TRIP10: variants seen among roughly 807,000 people sequenced by gnomAD.
The protein encoded by TRIP10 is cdc42-interacting protein 4.
Under a neutral mutation model 80.9 loss-of-function variants are expected in TRIP10, and 54 were observed. The observed-to-expected ratio is 0.67, with a 90% confidence interval of 0.54 to 0.84. TRIP10 has a LOEUF of 0.84. Among genes scored for constraint, TRIP10 ranks in the 40% least tolerant of loss-of-function variants. The pLI is 0.00. For missense variants in TRIP10, 773 were observed against 815.3 expected (o/e 0.95, Z 0.63); for synonymous variants, 321 against 307.2 (o/e 1.04, Z -0.47).
In TRIP10 at chr19:6,746,281, G is replaced by T; in HGVS notation, c.1152+85G>T. On this transcript the variant is annotated intron_variant, in intron 10 of 14. Coordinates refer to ENST00000313244, the MANE Select transcript of TRIP10 (RefSeq NM_001288962.2). This position sits in a 1 kb window ranked among gnomAD's most constrained non-coding sequence, Gnocchi z 6.2. ...CGGGACCCTGGGCTCGCTTCCTGCC[G>T]CTGGCTGGGCCCCTCTTCCCTGGTT... is the stretch of plus-strand genomic sequence containing the variant. 1 of 1,481,166 alleles carries T rather than the reference G, an allele frequency of 6.8e-7. No homozygotes were observed. The highest frequency in any genetic ancestry group is 9.0e-7 in the Non-Finnish European group (1 of 1,109,392). The allele number at this position is 1,481,166 out of a possible 1,614,324, so 91.8% of individuals were successfully genotyped here. A position where few individuals can be genotyped will look rare whatever the true frequency, so the allele number is the denominator to read the frequency against.
Position 6,744,468 on chromosome 19 carries a change from A to T in TRIP10, c.643-86A>T. On this transcript the variant is annotated intron_variant, in intron 7 of 14. Transcript: ENST00000313244. The surrounding 1 kb of genome is among the most constrained non-coding windows in gnomAD (Gnocchi z 4.9). The stretch of plus-strand genomic sequence containing the variant: ...TGGCTTGGGGCTGGGGCCAGCGTGG[A>T]GCGCGATCATATTTGCAGAGTGAAT... 1 of 1,571,590 alleles carries T rather than the reference A, an allele frequency of 6.4e-7. No individual in the cohort carries two copies. The highest frequency in any genetic ancestry group is 8.6e-7 in the Non-Finnish European group (1 of 1,158,924).
In TRIP10 at chr19:6,746,008, C is replaced by A. The variant is rs1418395281; in HGVS notation, c.985-21C>A. ...CCCCCCACCCCTTCAACCTATCCCCCTCCCCGGCCCCCGCCGGTAGCCTCG... is the reference window on the plus strand; with the variant it reads ...CCCCCCACCCCTTCAACCTATCCCCATCCCCGGCCCCCGCCGGTAGCCTCG... On this transcript the variant is annotated intron_variant, in intron 9 of 14. Transcript: ENST00000313244. The surrounding 1 kb of genome is among the most constrained non-coding windows in gnomAD (Gnocchi z 6.2). The A allele has an allele frequency of 3.0e-6, 3 of 990,978 alleles. No individual in the cohort carries two copies. Among genetic ancestry groups the A allele is most frequent in the Admixed American group, 8.7e-5 (2 of 23,046 alleles). 61.4% of individuals were successfully genotyped at this position (990,978 alleles called of 1,614,324 possible). A position where few individuals can be genotyped will look rare whatever the true frequency, so the allele number is the denominator to read the frequency against.
chr19:6,742,432 C>T (rs10853997), intron 3 of TRIP10, among the ~76,000 whole-genome samples: 43,787 of 151,664 alleles, frequency 0.29, 6,460 homozygotes, highest in Non-Finnish European at 0.29. Context: ...ATGATGTCCC[C>T]AACCCCACTA....
intron 7 of TRIP10, 89 bp downstream of exon 7, chr19:6,743,925 T>C: frequency 1.3e-6 from 2 of 1,504,966 alleles, no homozygotes; most frequent in Non-Finnish European, 1.8e-6. Context: ...CCAGCTGCAA[T>C]GTCCCAGTCC....
rs1411526963 is a variant in TRIP10 at position 6,745,089 on chromosome 19, G to A, written c.984+95G>A. ...AGTCAGCCCCAGCCGCCTGAACGCC[G>A]AGTCTCGGGCAGGAATTTTCCTCTT... On this transcript the variant is annotated intron_variant, in intron 9 of 14. Transcript: ENST00000313244. The surrounding 1 kb of genome is among the most constrained non-coding windows in gnomAD (Gnocchi z 7.2). 4 of 1,442,560 alleles carry A rather than the reference G, an allele frequency of 2.8e-6. No homozygotes were observed. Among genetic ancestry groups the A allele is most frequent in the Non-Finnish European group, 3.7e-6 (4 of 1,091,404 alleles). The allele number at this position is 1,442,560 out of a possible 1,614,324, so 89.4% of individuals were successfully genotyped here. A position where few individuals can be genotyped will look rare whatever the true frequency, so the allele number is the denominator to read the frequency against.
chr19:6,747,050 G>A (rs904925928), intron 11 of TRIP10, among the ~76,000 whole-genome samples: 1 of 152,254 alleles, frequency 6.6e-6, no homozygotes, highest in Non-Finnish European at 1.5e-5. Flanking sequence ...TTGGCCAGGT[G>A]CAGTGGCCTG....
In TRIP10 at chr19:6,746,259, G is replaced by C; in HGVS notation, c.1152+63G>C. 1 of 1,482,450 alleles carries C rather than the reference G, an allele frequency of 6.7e-7. No individual in the cohort carries two copies. The highest frequency in any genetic ancestry group is 9.0e-7 in the Non-Finnish European group (1 of 1,110,690). 91.8% of individuals were successfully genotyped at this position (1,482,450 alleles called of 1,614,324 possible). On this transcript the variant is annotated intron_variant, in intron 10 of 14. Coordinates refer to ENST00000313244, the MANE Select transcript of TRIP10 (RefSeq NM_001288962.2). This position sits in a 1 kb window ranked among gnomAD's most constrained non-coding sequence, Gnocchi z 6.2. ...TAGCCTGCCCAGCGGCGGGTGGCGG[G>C]ACCCTGGGCTCGCTTCCTGCCGCTG...
rs1010998481 is a variant in TRIP10, at chr19:6,744,450, G to C, written c.643-104G>C. ...CTGTCTTCCCCTCCAGACTGGCTTG[G>C]GGCTGGGGCCAGCGTGGAGCGCGAT... On this transcript the variant is annotated intron_variant, in intron 7 of 14. Transcript: ENST00000313244. The surrounding 1 kb of genome is among the most constrained non-coding windows in gnomAD (Gnocchi z 4.9). The C allele has an allele frequency of 2.6e-6, 4 of 1,518,722 alleles. No homozygotes were observed. Among genetic ancestry groups the C allele is most frequent in the Non-Finnish European group, 3.6e-6 (4 of 1,118,514 alleles). The allele number at this position is 1,518,722 out of a possible 1,614,324, so 94.1% of individuals were successfully genotyped here. A position where few individuals can be genotyped will look rare whatever the true frequency, so the allele number is the denominator to read the frequency against.
chr19:6,751,064 G>A lies in TRIP10; in HGVS notation c.1659G>A (p.Gly553=), dbSNP rs761554725. ...GHCVAIYHFE[G]SSEGTISMAE... ...GGCCCACCCCCACCCCCATCACAGGGTCCAGCGAGGGCACTATCTCTATGG... is the reference window on the plus strand; with the variant it reads ...GGCCCACCCCCACCCCCATCACAGGATCCAGCGAGGGCACTATCTCTATGG... The change falls in exon 15 of 15, where the codon GGG becomes GGA. Residue 553 remains glycine, a splice_region_variant and synonymous_variant. Coordinates refer to ENST00000313244, the MANE Select transcript of TRIP10 (RefSeq NM_001288962.2). The A allele has an allele frequency of 6.4e-7, 1 of 1,562,360 alleles. No homozygotes were observed. Among genetic ancestry groups the A allele is most frequent in the Admixed American group, 1.8e-5 (1 of 54,128 alleles).
chr19:6,750,207 G>A (rs1291207334), intron 12 of TRIP10, 85 bp from the exon 13 acceptor site: 1 of 1,587,844 alleles, frequency 6.3e-7, no homozygotes, highest in Non-Finnish European at 8.6e-7. Context: ...GGCTGTGCGT[G>A]GGTGATCTCA....
At chr19:6,748,280 A>G (rs983171756) in intron 11 of TRIP10, 1 of 152,188 alleles carries the variant, frequency 6.6e-6, no homozygotes, top group African/African-American at 2.4e-5. Context: ...ATATTTTGCC[A>G]TTTGCATGTA....
intron 5 of TRIP10, 28 bp from the exon 6 acceptor site, chr19:6,743,466 C>A: frequency 6.2e-7 from 1 of 1,609,246 alleles, no homozygotes; most frequent in Non-Finnish European, 8.5e-7. Flanking sequence ...ATGGTGGCTC[C>A]CTCACTCCGG....
chr19:6,748,991 A>G (rs987432721), intron 11 of TRIP10: 2 of 152,050 alleles, frequency 1.3e-5, no homozygotes, highest in African/African-American at 4.8e-5. Context: ...ATTTATTCGA[A>G]TTTTCAAGGT....
chr19:6,749,061 A>C (rs954455832), intron 11 of TRIP10, among the ~76,000 whole-genome samples: 1 of 152,062 alleles, frequency 6.6e-6, no homozygotes, highest in Non-Finnish European at 1.5e-5. Context: ...ATTTATCTTT[A>C]TTTATTTTTT....
chr19:6,747,708 G>A (rs972416299), intron 11 of TRIP10, among the ~76,000 whole-genome samples: 8 of 151,998 alleles, frequency 5.3e-5, no homozygotes, highest in South Asian at 2.1e-4. Context: ...TGGGAGAATC[G>A]CTTGAACCTG....
At position 6,743,789 on chromosome 19, in the gene TRIP10, C is replaced by T. The variant is rs1285236791; in HGVS notation, c.595C>T (p.Arg199Ter). 4.3e-6 allele frequency: 7 copies of T among 1,614,086 alleles called. No individual in the cohort carries two copies. Among genetic ancestry groups the T allele is most frequent in the South Asian group, 1.1e-5 (1 of 91,064 alleles). The part of the protein sequence containing the change: ...EYAAQLQRFN[R>*]DQAHFYFSQM... ...TGCGGCTCAACTGCAGCGCTTCAACCGAGACCAAGCCCACTTCTATTTTTC... is the reference window on the plus strand; with the variant it reads ...TGCGGCTCAACTGCAGCGCTTCAACTGAGACCAAGCCCACTTCTATTTTTC... Residue 199 changes from arginine (R) to a stop codon, truncating the protein, a stop_gained, in exon 7 of 15, where the codon CGA (arginine) becomes TGA (stop). Coordinates refer to ENST00000313244, the MANE Select transcript of TRIP10 (RefSeq NM_001288962.2). LOFTEE classifies it high-confidence loss of function.
In TRIP10 at chr19:6,743,754, A is replaced by G; in HGVS notation, c.560A>G (p.Lys187Arg). The G allele has an allele frequency of 6.2e-7, 1 of 1,614,158 alleles. No homozygotes were observed. The highest frequency in any genetic ancestry group is 1.6e-4 in the Middle Eastern group (1 of 6,062). The change falls in exon 7 of 15, where the codon AAA becomes AGA. Residue 187 changes from lysine to arginine, a missense_variant. Physicochemically the swap from Lys to Arg is conservative, Grantham distance 26. Coordinates refer to ENST00000313244, the MANE Select transcript of TRIP10 (RefSeq NM_001288962.2). Reference protein sequence around the residue: ...HLRSHMAEESKNEYAAQLQRF... With the variant: ...HLRSHMAEESRNEYAAQLQRF... ...CGGAGTCACATGGCCGAAGAAAGCA[A>G]AAACGAATATGCGGCTCAACTGCAG...
chr19:6,748,023 C>T (rs1555693315), intron 11 of TRIP10, among the ~76,000 whole-genome samples: 1 of 151,324 alleles, frequency 6.6e-6, no homozygotes, highest in Non-Finnish European at 1.5e-5. Flanking sequence ...GGGTTTTATC[C>T]CAATAATGCA....
In TRIP10 at chr19:6,746,498, G is replaced by A. The variant is rs1283319243; in HGVS notation, c.1199G>A (p.Arg400Gln). The A allele has an allele frequency of 1.1e-5, 18 of 1,614,024 alleles. No homozygotes were observed. The highest frequency in any genetic ancestry group is 3.3e-5 in the South Asian group (3 of 91,078). ...AGCCACTTGCCCCCAGAGCAGCAGC[G>A]AAAACGGCTTCAACAGCAGTTGGAA... ...DFSHLPPEQQ[R>Q]KRLQQQLEER... Residue 400 changes from arginine to glutamine, a missense_variant, in exon 11 of 15, where the codon CGA becomes CAA. Arg to Gln is a conservative substitution (Grantham distance 43). Coordinates refer to ENST00000313244, the MANE Select transcript of TRIP10 (RefSeq NM_001288962.2). The surrounding 1 kb of genome is among the most constrained non-coding windows in gnomAD (Gnocchi z 6.2).
Sources: gnomAD v4.1 joint callset for allele counts (sites outside exome capture counted in the v4.1 genomes callset) on GRCh38, gnomAD v4.1.1 for gene constraint, Gnocchi (gnomAD v3.1) non-coding constraint, MANE v1.5 for transcripts, NCBI Gene and HGNC (gene_info 2026-07-23, HGNC 2026-07-21) for gene names.